The following SLC12A7 variants were observed in gnomAD, a reference collection of about 807,000 sequenced individuals.
SLC12A7 encodes the protein K-Cl cotransporter 4.
SLC12A7 carries 100 observed loss-of-function variants against 120.6 expected under a neutral mutation model. The observed-to-expected ratio is 0.83, with a 90% CI of 0.71 to 0.98. The LOEUF (loss-of-function observed/expected upper bound fraction) is 0.98, where lower values mean the gene tolerates loss of function less well. Ranked by LOEUF, SLC12A7 falls within the 50% of genes least tolerant of loss-of-function variation. SLC12A7 has a pLI of 0.00. For synonymous variants in SLC12A7, 760 were observed against 678.0 expected, an observed-to-expected ratio of 1.12 and a Z score of -1.88; for missense variants, 1,373 against 1,548.1, an observed-to-expected ratio of 0.89 and a Z score of 1.90.
chr5:1,057,330 G>A (rs535727014), intron 22 of SLC12A7, 141 bp downstream of exon 22: 22 of 844,310 alleles, frequency 2.6e-5, no homozygotes, highest in East Asian at 1.1e-4. Context: ...CCACTCAGGC[G>A]GCTCCCTGTT....
the SLC12A7 span, among the ~76,000 whole-genome samples, chr5:1,132,266 A>G: frequency 1.3e-5 from 2 of 152,304 alleles, no homozygotes; most frequent in South Asian, 2.1e-4. Flanking sequence ...GCTACCCTCT[A>G]TGGCCTAAAA....
intron 1 of SLC12A7, among the ~76,000 whole-genome samples, chr5:1,104,740 C>T (rs7715723): frequency 0.072 from 11,032 of 152,268 alleles, 470 homozygotes; most frequent in African/African-American, 0.12. Flanking sequence ...GGAAACAAAC[C>T]ACCCCAGGTC....
intron 3 of SLC12A7, among the ~76,000 whole-genome samples, chr5:1,090,181 C>T (rs1740337521): frequency 6.6e-6 from 1 of 152,194 alleles, no homozygotes; most frequent in African/African-American, 2.4e-5. Flanking sequence ...ACGCTGAACA[C>T]CACATCACAA....
intron 1 of SLC12A7, among the ~76,000 whole-genome samples, chr5:1,109,427 C>T (rs554802707): frequency 6.6e-6 from 1 of 152,208 alleles, no homozygotes; most frequent in Non-Finnish European, 1.5e-5. Flanking sequence ...TGAGGGTTAA[C>T]ACGTCCTTCT....
chr5:1,078,151 G>T, intron 11 of SLC12A7, 144 bp from the exon 12 acceptor site: 1 of 1,010,342 alleles, frequency 9.9e-7, no homozygotes, highest in Non-Finnish European at 1.4e-6. Context: ...AGTCCCCGTT[G>T]GCTGAAACCT....
At chr5:1,115,179 GGCCTCTTGGCCGTGTGCAGGGC>G (rs1743265954), upstream of SLC12A7, among the ~76,000 whole-genome samples, 2 of 152,254 alleles carry the variant, frequency 1.3e-5, no homozygotes, top group African/African-American at 4.8e-5. Flanking sequence ...CATCTGCGAT[GGCCTCTTGGCCGTGTGCAGGGC>G]ACAGCCAGGG....
chr5:1,150,167 C>G, the SLC12A7 span, among the ~76,000 whole-genome samples: 1 of 152,224 alleles, frequency 6.6e-6, no homozygotes, highest in Non-Finnish European at 1.5e-5. Flanking sequence ...AACCCCTCAT[C>G]AGCTCTATGA....
In SLC12A7 at chr5:1,050,926, G is replaced by A. The variant is rs1734968292; in HGVS notation, c.*1434C>T. 5.0e-6 allele frequency: 2 copies of A among 398,542 alleles called. No homozygotes were observed. The highest frequency in any genetic ancestry group is 4.1e-5 in the African/African-American group (2 of 48,632). The allele number at this position is 398,542 out of a possible 1,614,324, so 24.7% of individuals were successfully genotyped here. ...CGATTTGAACTTTGTTGATGGGGCT[G>A]ATTCCCTTGGGAGACCATGCAAGCC... On this transcript the variant is annotated 3_prime_UTR_variant, in exon 24 of 24. Transcript: ENST00000264930.
At chr5:1,129,068 CT>C in the SLC12A7 span, among the ~76,000 whole-genome samples, 1 of 152,168 alleles carries the variant, frequency 6.6e-6, no homozygotes, top group Admixed American at 6.5e-5. Context: ...GGGAGCACCC[CT>C]GGGATCCCAA....
intron 9 of SLC12A7, among the ~76,000 whole-genome samples, chr5:1,079,761 C>T (rs1054439712): frequency 4.5e-4 from 68 of 151,200 alleles, no homozygotes; most frequent in African/African-American, 1.7e-3. Flanking sequence ...CCCCACGCCC[C>T]CCACACCCAG....
Position 1,090,859 on chromosome 5 carries a change from A to G in SLC12A7, c.343-1731T>C, listed in dbSNP as rs77116917. Among the ~76,000 whole-genome samples the G allele has an allele frequency of 1.5e-3, 223 of 152,276 alleles. 8 individuals carry two copies. The East Asian group carries it at 0.037, about 26-fold the overall frequency. On this transcript the variant is annotated intron_variant, in intron 3 of 23. Coordinates refer to ENST00000264930, the MANE Select transcript of SLC12A7 (RefSeq NM_006598.3). ...AACTTTTAAGGCTCAACCTGACCCA[A>G]TTTCAGGCGCGGGAGGCTGGAGATG...
chr5:1,137,159 C>G, the SLC12A7 span, among the ~76,000 whole-genome samples: 1 of 152,170 alleles, frequency 6.6e-6, no homozygotes, highest in Non-Finnish European at 1.5e-5. Flanking sequence ...CCCGGGTTTT[C>G]ACCCCCTCAA....
At chr5:1,130,518 GT>G in the SLC12A7 span, among the ~76,000 whole-genome samples, 1 of 151,874 alleles carries the variant, frequency 6.6e-6, no homozygotes, top group Non-Finnish European at 1.5e-5. Context: ...GCACACGCGT[GT>G]CCCCTCACCT....
chr5:1,129,035 T>C, the SLC12A7 span, among the ~76,000 whole-genome samples: 4 of 152,066 alleles, frequency 2.6e-5, no homozygotes, highest in Non-Finnish European at 4.4e-5. Flanking sequence ...TTGGGAGCAC[T>C]CCTGGGATCC....
chr5:1,134,286 A>G, the SLC12A7 span, among the ~76,000 whole-genome samples: 2 of 152,118 alleles, frequency 1.3e-5, no homozygotes, highest in African/African-American at 4.8e-5. Context: ...CCTGGCCAAC[A>G]TGATGAAACC....
intron 6 of SLC12A7, among the ~76,000 whole-genome samples, chr5:1,085,719 C>T (rs888891003): frequency 3.4e-5 from 5 of 147,266 alleles, no homozygotes; most frequent in Admixed American, 6.8e-5. Flanking sequence ...GGACGGAGCC[C>T]GCGGGGGTCA....
At chr5:1,137,666 C>T in the SLC12A7 span, among the ~76,000 whole-genome samples, 1 of 152,262 alleles carries the variant, frequency 6.6e-6, no homozygotes, top group African/African-American at 2.4e-5. Flanking sequence ...CCCAGGACTT[C>T]GCACGGCTGT....
At chr5:1,143,290 G>A in the SLC12A7 span, among the ~76,000 whole-genome samples, 4 of 152,226 alleles carry the variant, frequency 2.6e-5, no homozygotes, top group African/African-American at 4.8e-5. Context: ...GTAACAAAGC[G>A]CCATGGGCGG....
In SLC12A7 at chr5:1,063,901, G is replaced by A. The variant is rs745665735; in HGVS notation, c.2682C>T (p.Asp894=). Residue 894 remains aspartate, a synonymous_variant, in exon 20 of 24, where the codon GAC becomes GAT. Transcript: ENST00000264930. The stretch of plus-strand genomic sequence containing the variant: ...GCAAGTGGTACAAGAACATCTGCAG[G>A]TCCTTCTTCATCTGGATGCTGTTGT... The part of the protein sequence containing the change: ...VDDNSIQMKK[D]LQMFLYHLRI... 6.2e-7 allele frequency: 1 copy of A among 1,612,116 alleles called. No homozygotes were observed. Among genetic ancestry groups the A allele is most frequent in the South Asian group, 1.1e-5 (1 of 91,034 alleles).
Sources: gnomAD v4.1 joint callset for allele counts (sites outside exome capture counted in the v4.1 genomes callset) on GRCh38, gnomAD v4.1.1 for gene constraint, MANE v1.5 for transcripts, NCBI Gene and HGNC (gene_info 2026-07-23, HGNC 2026-07-21) for gene names.